AGBL4: variants seen among roughly 807,000 people sequenced by gnomAD.
The protein encoded by AGBL4 is AGBL carboxypeptidase 4, also known as cytosolic carboxypeptidase 6.
Under a neutral mutation model 66.4 loss-of-function variants are expected in AGBL4, and 58 were observed. That is an observed-to-expected ratio of 0.87 (90% confidence interval 0.71 to 1.09). The LOEUF (loss-of-function observed/expected upper bound fraction) is 1.09, where lower values mean the gene tolerates loss of function less well. Ranked by LOEUF, AGBL4 falls within the 50% of genes least tolerant of loss-of-function variation. The probability of loss-of-function intolerance (pLI) is 0.00; values close to 1 mark genes in which losing one functional copy is unlikely to be tolerated. For missense variants in AGBL4, 579 were observed against 631.0 expected (o/e 0.92, Z 0.88); for synonymous variants, 234 against 222.9 (o/e 1.05, Z -0.44).
intron 3 of AGBL4, among the ~76,000 whole-genome samples, chr1:49,369,514 T>C (rs567762984): frequency 2.0e-5 from 3 of 152,164 alleles, no homozygotes; most frequent in Non-Finnish European, 4.4e-5. Flanking sequence ...GACCCTATGA[T>C]TACCCAGTTT....
At chr1:49,116,647 T>G (rs1427115414) in intron 4 of AGBL4, among the ~76,000 whole-genome samples, 1 of 152,228 alleles carries the variant, frequency 6.6e-6, no homozygotes, top group Non-Finnish European at 1.5e-5. Context: ...TAGTTCCAAG[T>G]GTTAGCTATT....
chr1:49,948,026 A>ATT (rs1655490870), intron 1 of AGBL4, among the ~76,000 whole-genome samples: 7 of 58,920 alleles, frequency 1.2e-4, no homozygotes, highest in African/African-American at 4.4e-4. Flanking sequence ...AAATATATAT[A>ATT]AATATATATA....
chr1:49,944,537 T>C (rs759514588), intron 1 of AGBL4, among the ~76,000 whole-genome samples: 3 of 152,084 alleles, frequency 2.0e-5, no homozygotes, highest in Non-Finnish European at 4.4e-5. Flanking sequence ...GGGAATACTA[T>C]GTAGGACAAA....
At chr1:48,615,089 G>A (rs970909146) in intron 9 of AGBL4, among the ~76,000 whole-genome samples, 1 of 152,142 alleles carries the variant, frequency 6.6e-6, no homozygotes, top group Non-Finnish European at 1.5e-5. Flanking sequence ...GGGAGTTTGT[G>A]GGGGTGCAAG....
At chr1:48,634,311 GAA>G (rs1645634513) in intron 9 of AGBL4, 180 bp downstream of exon 9, 2 of 478,294 alleles carry the variant, frequency 4.2e-6, no homozygotes, top group Non-Finnish European at 3.8e-6. Flanking sequence ...GAGGTTGCAG[GAA>G]AAGAGATTGG....
intron 3 of AGBL4, among the ~76,000 whole-genome samples, chr1:49,612,650 A>C (rs1418692653): frequency 6.6e-6 from 1 of 152,236 alleles, no homozygotes; most frequent in Non-Finnish European, 1.5e-5. Context: ...TAAACATTAG[A>C]GAAATGCAAA....
chr1:48,562,145 T>A (rs1256973695), intron 11 of AGBL4, among the ~76,000 whole-genome samples: 1 of 152,188 alleles, frequency 6.6e-6, no homozygotes, highest in Non-Finnish European at 1.5e-5. Flanking sequence ...CTCTCAATCG[T>A]GAGTAAGATG....
intron 4 of AGBL4, among the ~76,000 whole-genome samples, chr1:49,170,685 A>G (rs1047352806): frequency 1.3e-5 from 2 of 150,824 alleles, no homozygotes; most frequent in Non-Finnish European, 3.0e-5. Flanking sequence ...GTATATATAT[A>G]TATATGAATT....
At chr1:48,868,649 G>A (rs1259664532) in intron 5 of AGBL4, among the ~76,000 whole-genome samples, 2 of 152,174 alleles carry the variant, frequency 1.3e-5, no homozygotes, top group African/African-American at 2.4e-5. Context: ...TATTATTACA[G>A]AACATCTGAT....
chr1:48,876,177 C>T (rs768420913), intron 5 of AGBL4, among the ~76,000 whole-genome samples: 4 of 152,132 alleles, frequency 2.6e-5, no homozygotes, highest in Non-Finnish European at 5.9e-5. Flanking sequence ...AGCTCCATGG[C>T]AAAAGGACAG....
At chr1:49,227,860 C>T (rs1650028322) in intron 4 of AGBL4, among the ~76,000 whole-genome samples, 1 of 152,084 alleles carries the variant, frequency 6.6e-6, no homozygotes, top group South Asian at 2.1e-4. Flanking sequence ...CTTTATTATG[C>T]TGGTGACAGG....
At chr1:49,281,610 C>A (rs1644273629) in intron 3 of AGBL4, among the ~76,000 whole-genome samples, 1 of 152,166 alleles carries the variant, frequency 6.6e-6, no homozygotes, top group South Asian at 2.1e-4. Flanking sequence ...TGTGGCAACA[C>A]GATACTGTGA....
chr1:49,915,101 G>A (rs528050592), intron 1 of AGBL4, among the ~76,000 whole-genome samples: 152 of 151,974 alleles, frequency 1.0e-3, no homozygotes, highest in African/African-American at 3.3e-3. Context: ...AAAAATTATC[G>A]GGCAGTTCCA....
At chr1:49,934,236 T>C (rs1489589723) in intron 1 of AGBL4, among the ~76,000 whole-genome samples, 1 of 151,896 alleles carries the variant, frequency 6.6e-6, no homozygotes. Flanking sequence ...TGCAGCAGTG[T>C]CAAAAACAGG....
chr1:49,680,359 T>C (rs1646667859), intron 3 of AGBL4, among the ~76,000 whole-genome samples: 1 of 139,010 alleles, frequency 7.2e-6, no homozygotes, highest in Admixed American at 6.9e-5. Flanking sequence ...AGATTCTTTC[T>C]TTTATCATTT....
chr1:49,047,189 T>C (rs1472015536), intron 4 of AGBL4, among the ~76,000 whole-genome samples: 7 of 152,186 alleles, frequency 4.6e-5, no homozygotes, highest in Admixed American at 3.3e-4. Context: ...TGCCTGTACA[T>C]ACATTTGATT....
At chr1:49,064,852 A>G (rs1401500939) in intron 4 of AGBL4, among the ~76,000 whole-genome samples, 1 of 152,248 alleles carries the variant, frequency 6.6e-6, no homozygotes, top group Non-Finnish European at 1.5e-5. Context: ...TTAAACGCAT[A>G]GCAAAACAAG....
chr1:49,404,162 T>C (rs928073113), intron 3 of AGBL4, among the ~76,000 whole-genome samples: 21 of 152,262 alleles, frequency 1.4e-4, no homozygotes. Flanking sequence ...CCCCTAGTGA[T>C]GCTGTATTTA....
At chr1:49,159,117 G>C (rs757734234) in intron 4 of AGBL4, among the ~76,000 whole-genome samples, 1 of 151,818 alleles carries the variant, frequency 6.6e-6, no homozygotes, top group Non-Finnish European at 1.5e-5. Context: ...GATGCTAGCT[G>C]GTTATTTTGC....
Sources: gnomAD v4.1 joint callset for allele counts (sites outside exome capture counted in the v4.1 genomes callset) on GRCh38, gnomAD v4.1.1 for gene constraint, MANE v1.5 for transcripts, NCBI Gene and HGNC (gene_info 2026-07-23, HGNC 2026-07-21) for gene names.